GPR158: variants seen among roughly 807,000 people sequenced by gnomAD.
GPR158 encodes metabotropic glycine receptor.
In GPR158, 30 loss-of-function variants were observed where a neutral mutation model predicts 78.2. The ratio of observed to expected loss-of-function variants is 0.38; its 90% CI spans 0.29 to 0.52. The LOEUF is 0.52. Among genes scored for constraint, GPR158 ranks in the 20% least tolerant of loss-of-function variants. GPR158 has a pLI of 0.83. For missense variants in GPR158, 1,463 were observed against 1,523.5 expected (o/e 0.96, Z 0.66); for synonymous variants, 581 against 591.1 (o/e 0.98, Z 0.25).
chr10:25,495,387 G>A (rs1379262287), intron 5 of GPR158, among the ~76,000 whole-genome samples: 4 of 136,406 alleles, frequency 2.9e-5, no homozygotes, highest in Non-Finnish European at 1.5e-5. Context: ...CCGCCTCCCA[G>A]GTTCACACCA....
rs759889005 is a variant in GPR158, at chr10:25,594,261, G to A, written c.1893-31G>A. On this transcript the variant is annotated intron_variant, in intron 8 of 10. Coordinates refer to ENST00000376351, the MANE Select transcript of GPR158 (RefSeq NM_020752.3). ...GTGTTCTAAGTAGAATCTTAATCTT[G>A]GATTGTTAACTCAATGAATTCTCAT... 8 of 1,032,484 alleles carry A rather than the reference G, an allele frequency of 7.7e-6. No homozygotes were observed. In the East Asian group the frequency reaches 1.9e-4, roughly 25 times the overall value. 64.0% of individuals were successfully genotyped at this position (1,032,484 alleles called of 1,614,324 possible). A position where few individuals can be genotyped will look rare whatever the true frequency, so the allele number is the denominator to read the frequency against.
chr10:25,584,345 CT>C, intron 7 of GPR158, among the ~76,000 whole-genome samples: 1 of 152,166 alleles, frequency 6.6e-6, no homozygotes, highest in Non-Finnish European at 1.5e-5. Flanking sequence ...CTAAGCACAA[CT>C]TTTATATATC....
intron 2 of GPR158, among the ~76,000 whole-genome samples, chr10:25,228,027 T>C (rs181241215): frequency 1.3e-5 from 2 of 152,360 alleles, no homozygotes; most frequent in Admixed American, 6.5e-5. Context: ...TAAAAATGCA[T>C]ACTTCTTTGT....
At position 25,305,600 on chromosome 10, in the gene GPR158, G is replaced by A. The variant is rs573240697; in HGVS notation, c.1008+84443G>A. ...GCCTGTGTTGTGCTAAGGATGATTC[G>A]GAGGTAAAAAAAGAAGGAGAGAGAG... is the stretch of plus-strand genomic sequence containing the variant. On this transcript the variant is annotated intron_variant, in intron 2 of 10. Coordinates refer to ENST00000376351, the MANE Select transcript of GPR158 (RefSeq NM_020752.3). Among the ~76,000 whole-genome samples, 9 of 152,126 alleles carry A rather than the reference G, an allele frequency of 5.9e-5. No individual in the cohort carries two copies. The East Asian group carries it at 1.5e-3, about 26-fold the overall frequency.
In GPR158 at chr10:25,224,245, A is replaced by G. The variant is rs1403733607; in HGVS notation, c.1008+3088A>G. 5.1e-4 allele frequency among the ~76,000 whole-genome samples: 77 copies of G among 152,008 alleles called. 1 individual carries two copies. Among genetic ancestry groups the G allele is most frequent in the Admixed American group, 4.9e-3 (74 of 15,228 alleles). The stretch of plus-strand genomic sequence containing the variant: ...ATTCATATTAATTTTTGTTTTAAAT[A>G]TTTTCTTTTGCTTGTTTGAAGTGTA... On this transcript the variant is annotated intron_variant, in intron 2 of 10. Transcript: ENST00000376351.
chr10:25,502,206 AC>A (rs1197610130), intron 5 of GPR158, among the ~76,000 whole-genome samples: 1 of 152,038 alleles, frequency 6.6e-6, no homozygotes, highest in Non-Finnish European at 1.5e-5. Flanking sequence ...GGCTTATATA[AC>A]CTCAGACCAG....
chr10:25,389,260 C>G (rs117695744), intron 2 of GPR158, among the ~76,000 whole-genome samples: 509 of 152,300 alleles, frequency 3.3e-3, no homozygotes, highest in Non-Finnish European at 4.7e-3. Context: ...AAGCCCTGCA[C>G]TCAGCCAGAC....
chr10:25,307,526 G>A (rs1363966884), intron 2 of GPR158, among the ~76,000 whole-genome samples: 8 of 151,882 alleles, frequency 5.3e-5, no homozygotes, highest in Non-Finnish European at 7.4e-5. Flanking sequence ...TGGGACTACA[G>A]GCATGTGCCA....
chr10:25,477,118 T>A (rs1835598234), intron 5 of GPR158, among the ~76,000 whole-genome samples: 1 of 152,016 alleles, frequency 6.6e-6, no homozygotes, highest in Non-Finnish European at 1.5e-5. Flanking sequence ...TTTTTTTAAC[T>A]CCATTTTTTT....
At chr10:25,573,237 T>G (rs1837037371) in intron 7 of GPR158, among the ~76,000 whole-genome samples, 1 of 152,338 alleles carries the variant, frequency 6.6e-6, no homozygotes, top group Middle Eastern at 3.4e-3. Flanking sequence ...ATTTATTTCC[T>G]TACTTGGGAG....
At chr10:25,387,379 G>A (rs933172802) in intron 2 of GPR158, among the ~76,000 whole-genome samples, 5 of 152,000 alleles carry the variant, frequency 3.3e-5, no homozygotes, top group Non-Finnish European at 7.4e-5. Flanking sequence ...TGGTGAATTT[G>A]GTTTGAGATT....
chr10:25,567,483 A>G (rs11014611), intron 6 of GPR158, among the ~76,000 whole-genome samples: 44,239 of 152,068 alleles, frequency 0.29, 7,186 homozygotes, highest in Non-Finnish European at 0.37. Context: ...TCTGGGTAAA[A>G]TTGATGCTAC....
At chr10:25,281,866 G>T (rs557865980) in intron 2 of GPR158, among the ~76,000 whole-genome samples, 6 of 152,226 alleles carry the variant, frequency 3.9e-5, no homozygotes, top group African/African-American at 7.2e-5. Context: ...TTTTTTCACT[G>T]AGTATAAAAT....
At chr10:25,430,975 C>T (rs1834894792) in intron 4 of GPR158, among the ~76,000 whole-genome samples, 1 of 145,400 alleles carries the variant, frequency 6.9e-6, no homozygotes, top group African/African-American at 2.5e-5. Flanking sequence ...GTCTAAAACA[C>T]CAAAAGCAAT....
At chr10:25,580,774 G>C (rs922710972) in intron 7 of GPR158, among the ~76,000 whole-genome samples, 4 of 152,024 alleles carry the variant, frequency 2.6e-5, no homozygotes, top group African/African-American at 9.7e-5. Context: ...CACCCCGGCT[G>C]GAGTGCAGTT....
intron 2 of GPR158, among the ~76,000 whole-genome samples, chr10:25,273,327 A>T (rs1418346197): frequency 1.3e-5 from 2 of 152,056 alleles, no homozygotes; most frequent in Non-Finnish European, 2.9e-5. Flanking sequence ...CAAGGAGAAG[A>T]AGTTTAACAA....
intron 2 of GPR158, among the ~76,000 whole-genome samples, chr10:25,314,936 G>C (rs114688199): frequency 0.011 from 1,615 of 143,882 alleles, 43 homozygotes; most frequent in African/African-American, 0.04. Context: ...ACACAGTTCA[G>C]GAGGAAGGAC....
intron 2 of GPR158, among the ~76,000 whole-genome samples, chr10:25,366,649 T>C (rs1047534337): frequency 1.3e-5 from 2 of 151,712 alleles, no homozygotes; most frequent in African/African-American, 4.8e-5. Context: ...CACCATGTAG[T>C]ACAATGGATC....
intron 5 of GPR158, among the ~76,000 whole-genome samples, chr10:25,479,263 A>G (rs1326360345): frequency 1.3e-5 from 2 of 152,160 alleles, no homozygotes; most frequent in African/African-American, 2.4e-5. Context: ...TTATTTAGCT[A>G]TATGTTTCAA....
Sources: allele counts gnomAD v4.1 joint callset (sites outside exome capture counted in the v4.1 genomes callset), GRCh38; gene constraint gnomAD v4.1.1; transcripts MANE v1.5; gene names NCBI Gene and HGNC (gene_info 2026-07-23, HGNC 2026-07-21).